MBOAT1: variants seen among roughly 807,000 people sequenced by gnomAD.
MBOAT1 encodes the protein membrane bound glycerophospholipid O-acyltransferase 1.
A neutral mutation model predicts 64.4 loss-of-function variants in MBOAT1; 67 were observed. That is an observed-to-expected ratio of 1.04 (90% confidence interval 0.85 to 1.27). MBOAT1 has a LOEUF of 1.27. Ranked by LOEUF, MBOAT1 falls within the 50% of genes most tolerant of loss-of-function variation. The pLI is 0.00. For missense variants in MBOAT1, 563 were observed against 604.6 expected, an observed-to-expected ratio of 0.93 and a Z score of 0.72; for synonymous variants, 229 against 218.9, an observed-to-expected ratio of 1.05 and a Z score of -0.41.
At chr6:20,146,430 T>A (rs1310919142) in intron 3 of MBOAT1, among the ~76,000 whole-genome samples, 1 of 152,202 alleles carries the variant, frequency 6.6e-6, no homozygotes, top group African/African-American at 2.4e-5. Context: ...CAGAAAAGAT[T>A]TTTTCTCTAT....
Position 20,212,187 on chromosome 6 carries a change from G to C in MBOAT1, c.48C>G (p.Gly16=). 6.2e-7 allele frequency: 1 copy of C among 1,613,156 alleles called. No homozygotes were observed. The highest frequency in any genetic ancestry group is 8.5e-7 in the Non-Finnish European group (1 of 1,179,838). Residue 16 remains glycine, a synonymous_variant, in exon 1 of 13, where the codon GGC becomes GGG. Transcript: ENST00000324607. ...CGCTGAGCGGGTGCAGGTAGGTGGA[G>C]CCCGTGGTGCGGTAGGAAAGGCTGG... ...QPSSLSYRTT[G]STYLHPLSEL... is the part of the protein sequence containing the mutation.
At position 20,124,303 on chromosome 6, in the gene MBOAT1, G is replaced by A. The variant is rs180894739; in HGVS notation, c.907+105C>T. On this transcript the variant is annotated intron_variant, in intron 8 of 12. Coordinates refer to ENST00000324607, the MANE Select transcript of MBOAT1 (RefSeq NM_001080480.3). ...CCCTGACTCAACTGCCTCCCATTAC[G>A]TGTTGAGCTTCTTTGATGAAGTGAT... The A allele has an allele frequency of 8.1e-5, 92 of 1,133,200 alleles. No individual in the cohort carries two copies. The East Asian group carries it at 9.6e-4, about 12-fold the overall frequency. The allele number at this position is 1,133,200 out of a possible 1,614,324, so 70.2% of individuals were successfully genotyped here.
rs544045557 is a variant in MBOAT1 at position 20,100,923 on chromosome 6, A to C, written c.*1363T>G. Among the ~76,000 whole-genome samples the C allele has an allele frequency of 1.3e-5, 2 of 152,332 alleles. No homozygotes were observed. The highest frequency in any genetic ancestry group is 4.1e-4 in the South Asian group (2 of 4,824). On this transcript the variant is annotated 3_prime_UTR_variant, in exon 13 of 13. Coordinates refer to ENST00000324607, the MANE Select transcript of MBOAT1 (RefSeq NM_001080480.3). ...AATAGAAGTCTCCAAAAGGGGCCAT[A>C]GCACATTCATAACAAAGATAGAAAA...
intron 12 of MBOAT1, among the ~76,000 whole-genome samples, chr6:20,103,229 A>T (rs556084155): frequency 6.6e-6 from 1 of 152,286 alleles, no homozygotes; most frequent in Non-Finnish European, 1.5e-5. Context: ...ATGGAACAAG[A>T]TGTGGAGGTG....
At chr6:20,210,750 T>A (rs62397955) in intron 1 of MBOAT1, among the ~76,000 whole-genome samples, 20,415 of 152,074 alleles carry the variant, frequency 0.13, 2,062 homozygotes, top group African/African-American at 0.29. Flanking sequence ...CATGGTCCTT[T>A]AGCCATACAA....
intron 1 of MBOAT1, 55 bp from the exon 2 acceptor site, chr6:20,152,824 TTTG>T: frequency 6.6e-7 from 1 of 1,505,884 alleles, no homozygotes; most frequent in African/African-American, 1.6e-5. Flanking sequence ...TCTTGGTTTT[TTTG>T]TTTGTTTTGT....
intron 1 of MBOAT1, among the ~76,000 whole-genome samples, chr6:20,175,594 A>T (rs1296870906): frequency 1.3e-5 from 2 of 150,548 alleles, no homozygotes; most frequent in Admixed American, 1.3e-4. Flanking sequence ...CTACAGGCAC[A>T]CGTCGCCACG....
At chr6:20,157,484 A>AT (rs1418424931) in intron 1 of MBOAT1, among the ~76,000 whole-genome samples, 2 of 152,306 alleles carry the variant, frequency 1.3e-5, no homozygotes, top group Admixed American at 1.3e-4. Flanking sequence ...ATCTAGGCAA[A>AT]TTTTTTTGTA....
At chr6:20,148,392 T>C (rs1304756531) in intron 3 of MBOAT1, among the ~76,000 whole-genome samples, 1 of 152,126 alleles carries the variant, frequency 6.6e-6, no homozygotes, top group Non-Finnish European at 1.5e-5. Flanking sequence ...CACTATAGCC[T>C]GGGCAACAGA....
chr6:20,111,639 C>A (rs1263420280), intron 11 of MBOAT1, among the ~76,000 whole-genome samples: 1 of 151,504 alleles, frequency 6.6e-6, no homozygotes. Context: ...AGTTTTATTT[C>A]TTAATTTGGC....
chr6:20,115,228 G>C (rs369555173), intron 10 of MBOAT1, 60 bp downstream of exon 10: 1 of 1,261,024 alleles, frequency 7.9e-7, no homozygotes, highest in Non-Finnish European at 1.2e-6. Context: ...TTCATCTACT[G>C]ACTCCCCTCT....
rs201359826 is a variant in MBOAT1, at chr6:20,109,641, G to T, written c.1318C>A (p.Pro440Thr). The stretch of plus-strand genomic sequence containing the variant: ...GGTTCAACTGCCAACATCACAAAGG[G>T]TGCTACCGTGTAAGAGACAGCCAGC... ...TQLAVSYTVAPFVMLAVEPTI... is the reference protein window; with the variant it reads ...TQLAVSYTVATFVMLAVEPTI... The change falls in exon 12 of 13, where the codon CCC (proline) becomes ACC (threonine). Residue 440 changes from proline to threonine, a missense_variant. By Grantham distance (38) the Pro-to-Thr change is conservative. Transcript: ENST00000324607. The T allele has an allele frequency of 3.5e-5, 56 of 1,614,142 alleles. No individual in the cohort carries two copies. The highest frequency in any genetic ancestry group is 4.7e-5 in the Non-Finnish European group (56 of 1,179,996).
intron 4 of MBOAT1, among the ~76,000 whole-genome samples, chr6:20,132,781 A>G (rs552875032): frequency 6.6e-6 from 1 of 152,376 alleles, no homozygotes; most frequent in Non-Finnish European, 1.5e-5. Context: ...GTGAAAAGAT[A>G]TTTCAAGGAA....
chr6:20,201,539 A>C (rs889320660), intron 1 of MBOAT1, among the ~76,000 whole-genome samples: 1 of 151,936 alleles, frequency 6.6e-6, no homozygotes, highest in African/African-American at 2.4e-5. Context: ...TTTTCTGCTT[A>C]TGACTTCGAT....
intron 1 of MBOAT1, among the ~76,000 whole-genome samples, chr6:20,164,517 G>A (rs1761958825): frequency 6.6e-6 from 1 of 152,126 alleles, no homozygotes; most frequent in Non-Finnish European, 1.5e-5. Context: ...CAACATAGCA[G>A]CTCTCAACAC....
intron 1 of MBOAT1, among the ~76,000 whole-genome samples, chr6:20,158,784 GACAT>G (rs1761766885): frequency 1.3e-5 from 2 of 152,156 alleles, no homozygotes; most frequent in Admixed American, 1.3e-4. Flanking sequence ...CTCAAAAGAA[GACAT>G]ACAAATGGCC....
Position 20,109,613 on chromosome 6 carries a change from G to A in MBOAT1, c.1346C>T (p.Thr449Ile), listed in dbSNP as rs757503452. ...GGAAACTTACTTGTATAAGCTGATGGTCGGTTCAACTGCCAACATCACAAA... is the reference window on the plus strand; with the variant it reads ...GGAAACTTACTTGTATAAGCTGATGATCGGTTCAACTGCCAACATCACAAA... ...APFVMLAVEP[T>I]ISLYKSMYFY... Residue 449 changes from threonine to isoleucine, a missense_variant, in exon 12 of 13, where the codon ACC becomes ATC. Coordinates refer to ENST00000324607, the MANE Select transcript of MBOAT1 (RefSeq NM_001080480.3). 6.2e-7 allele frequency: 1 copy of A among 1,612,976 alleles called. No homozygotes were observed. The highest frequency in any genetic ancestry group is 2.2e-5 in the East Asian group (1 of 44,844).
intron 10 of MBOAT1, among the ~76,000 whole-genome samples, chr6:20,113,411 C>T (rs1022492581): frequency 2.6e-5 from 4 of 152,188 alleles, no homozygotes; most frequent in South Asian, 2.1e-4. Flanking sequence ...TTAACAATTT[C>T]GGAATCAGGG....
intron 12 of MBOAT1, among the ~76,000 whole-genome samples, chr6:20,102,875 G>A (rs186644879): frequency 2.0e-5 from 3 of 152,190 alleles, no homozygotes; most frequent in East Asian, 1.9e-4. Flanking sequence ...ACCTAGTGAC[G>A]TCGTAGCCAT....
Sources: allele counts gnomAD v4.1 joint callset (sites outside exome capture counted in the v4.1 genomes callset), GRCh38; gene constraint gnomAD v4.1.1; transcripts MANE v1.5; gene names NCBI Gene and HGNC (gene_info 2026-07-23, HGNC 2026-07-21).